RAP1A: variants seen among roughly 807,000 people sequenced by gnomAD.
RAP1A encodes RAP1A, member of RAS oncogene family.
Under a neutral mutation model 26.4 loss-of-function variants are expected in RAP1A, and 6 were observed. The observed-to-expected ratio is 0.23, with a 90% CI of 0.12 to 0.45. The LOEUF (loss-of-function observed/expected upper bound fraction) is 0.45, where lower values mean the gene tolerates loss of function less well. Ranked by LOEUF, RAP1A falls within the 20% of genes least tolerant of loss-of-function variation. RAP1A has a pLI of 0.99. For missense variants in RAP1A, 121 were observed against 217.2 expected, an observed-to-expected ratio of 0.56 and a Z score of 2.78; for synonymous variants, 73 against 79.4, an observed-to-expected ratio of 0.92 and a Z score of 0.43.
intron 1 of RAP1A, among the ~76,000 whole-genome samples, chr1:111,573,218 T>C (rs1440034091): frequency 6.6e-6 from 1 of 152,248 alleles, no homozygotes; most frequent in East Asian, 1.9e-4. Context: ...TATGTGTGCA[T>C]GTGTCCTTAT....
intron 1 of RAP1A, among the ~76,000 whole-genome samples, chr1:111,551,166 G>A (rs998578421): frequency 2.0e-5 from 3 of 151,914 alleles, no homozygotes; most frequent in African/African-American, 7.3e-5. Flanking sequence ...GCATATAGTT[G>A]GATCATGTTT....
rs201032712 is a variant in RAP1A, at chr1:111,703,406, C to T, written c.254C>T (p.Thr85Ile). Residue 85 changes from threonine (T) to isoleucine (I), a missense_variant, in exon 5 of 8, where the codon ACA (threonine) becomes ATA (isoleucine). Thr to Ile is a moderately conservative substitution (Grantham distance 89). Transcript: ENST00000369709. ...GGTTTTGCACTAGTATATTCTATTA[C>T]AGCTCAGTCCACGTTTAACGACTTA... ...GQGFALVYSITAQSTFNDLQD... is the reference protein window; with the variant it reads ...GQGFALVYSIIAQSTFNDLQD... 8.7e-6 allele frequency: 14 copies of T among 1,604,906 alleles called. No individual in the cohort carries two copies. In the Admixed American group the frequency reaches 1.0e-4, roughly 12 times the overall value.
At chr1:111,687,203 G>A (rs991815902) in intron 1 of RAP1A, among the ~76,000 whole-genome samples, 2 of 134,340 alleles carry the variant, frequency 1.5e-5, no homozygotes, top group African/African-American at 5.4e-5. Context: ...TTTTGATTGA[G>A]TTGAATTTTT....
intron 1 of RAP1A, among the ~76,000 whole-genome samples, chr1:111,575,461 C>G (rs546086764): frequency 1.7e-4 from 26 of 152,244 alleles, no homozygotes; most frequent in African/African-American, 6.3e-4. Context: ...CCTGAAGGTA[C>G]TAAACATCTT....
chr1:111,579,029 T>A (rs1658198436), intron 1 of RAP1A, among the ~76,000 whole-genome samples: 1 of 152,214 alleles, frequency 6.6e-6, no homozygotes, highest in African/African-American at 2.4e-5. Flanking sequence ...GGGCAAGGTA[T>A]GGCAGAGCGG....
At chr1:111,646,845 A>G (rs756386614) in intron 1 of RAP1A, among the ~76,000 whole-genome samples, 56 of 152,320 alleles carry the variant, frequency 3.7e-4, no homozygotes, top group South Asian at 6.2e-4. Flanking sequence ...AGACGAGTGG[A>G]ACACCTTCTT....
chr1:111,593,934 C>T (rs940102391), intron 1 of RAP1A, among the ~76,000 whole-genome samples: 2 of 152,104 alleles, frequency 1.3e-5, no homozygotes, highest in African/African-American at 2.4e-5. Context: ...TCTCAGATCA[C>T]AAGGATAACA....
chr1:111,675,955 A>G (rs936435544), intron 1 of RAP1A, among the ~76,000 whole-genome samples: 5 of 152,212 alleles, frequency 3.3e-5, no homozygotes, highest in African/African-American at 9.6e-5. Context: ...CCCCTTATCA[A>G]AGATCTTGTG....
intron 2 of RAP1A, among the ~76,000 whole-genome samples, chr1:111,695,107 AGT>A (rs1661786040): frequency 6.6e-6 from 1 of 152,192 alleles, no homozygotes; most frequent in Non-Finnish European, 1.5e-5. Flanking sequence ...TGTAATTAAC[AGT>A]GTATTATCAG....
intron 1 of RAP1A, among the ~76,000 whole-genome samples, chr1:111,664,386 A>C (rs1204105212): frequency 5.3e-5 from 8 of 151,424 alleles, no homozygotes; most frequent in Non-Finnish European, 7.4e-5. Flanking sequence ...AAAAAAAAAA[A>C]AAAAAAAAAA....
chr1:111,648,550 G>A, intron 1 of RAP1A: 2 of 559,056 alleles, frequency 3.6e-6, no homozygotes, highest in Non-Finnish European at 6.8e-6. Flanking sequence ...TCTGACTGCA[G>A]TTGCAGCAGG....
At chr1:111,596,656 G>A (rs978064945) in intron 1 of RAP1A, among the ~76,000 whole-genome samples, 43 of 152,244 alleles carry the variant, frequency 2.8e-4, no homozygotes, top group African/African-American at 1.0e-3. Flanking sequence ...TGCAGGCTGG[G>A]AAGTCCCAAA....
intron 1 of RAP1A, among the ~76,000 whole-genome samples, chr1:111,669,687 G>A (rs989073973): frequency 1.3e-5 from 2 of 152,150 alleles, no homozygotes; most frequent in Non-Finnish European, 2.9e-5. Flanking sequence ...GCATGAAAAG[G>A]TCTAATAGTT....
intron 1 of RAP1A, among the ~76,000 whole-genome samples, chr1:111,688,637 A>G (rs1661569354): frequency 6.6e-6 from 1 of 151,198 alleles, no homozygotes; most frequent in Non-Finnish European, 1.5e-5. Context: ...GTATATTTTA[A>G]CTTTGTTTCT....
rs548790243 is a variant in RAP1A, at chr1:111,586,280, G to C, written c.-28+43771G>C. Reference sequence around the variant, plus strand: ...AACTGAATGGAAGTCGTGACAACATGAACAGCTATGACTAATTTTGAACCT... The same window carrying C: ...AACTGAATGGAAGTCGTGACAACATCAACAGCTATGACTAATTTTGAACCT... On this transcript the variant is annotated intron_variant, in intron 1 of 7. Coordinates refer to the RAP1A transcript ENST00000356415. Among the ~76,000 whole-genome samples the C allele has an allele frequency of 1.9e-4, 29 of 152,266 alleles. 1 individual carries two copies. The South Asian group carries it at 3.7e-3, about 20-fold the overall frequency.
intron 1 of RAP1A, among the ~76,000 whole-genome samples, chr1:111,661,786 G>C (rs1403060242): frequency 7.2e-6 from 1 of 139,094 alleles, no homozygotes; most frequent in Non-Finnish European, 1.5e-5. Context: ...GCGACAGAAC[G>C]AAACTCCGTC....
At chr1:111,696,407 C>T (rs1661828287) in intron 3 of RAP1A, among the ~76,000 whole-genome samples, 1 of 152,142 alleles carries the variant, frequency 6.6e-6, no homozygotes, top group South Asian at 2.1e-4. Context: ...CAGAATTATG[C>T]TCTAGATACA....
At chr1:111,548,023 T>TGTTA (rs1321654652) in intron 1 of RAP1A, among the ~76,000 whole-genome samples, 6 of 152,178 alleles carry the variant, frequency 3.9e-5, no homozygotes, top group South Asian at 2.1e-4. Context: ...TTTGTTTGTT[T>TGTTA]GTTTGTTTGT....
In RAP1A at chr1:111,550,079, G is replaced by A. The variant is rs370682195; in HGVS notation, c.-28+7570G>A. ...GTACTTTGTGTGTTTTTAGAAATTTGTCCATTTTCTCTAGATTATAAAATT... is the reference window on the plus strand; with the variant it reads ...GTACTTTGTGTGTTTTTAGAAATTTATCCATTTTCTCTAGATTATAAAATT... On this transcript the variant is annotated intron_variant, in intron 1 of 7. Transcript: ENST00000356415. Among the ~76,000 whole-genome samples, 6 of 152,078 alleles carry A rather than the reference G, an allele frequency of 3.9e-5. No individual in the cohort carries two copies. In the East Asian group the frequency reaches 7.7e-4, roughly 19 times the overall value.
Sources: gnomAD v4.1 joint callset for allele counts (sites outside exome capture counted in the v4.1 genomes callset) on GRCh38, gnomAD v4.1.1 for gene constraint, MANE v1.5 for transcripts, NCBI Gene and HGNC (gene_info 2026-07-23, HGNC 2026-07-21) for gene names.